ARHGEF3: variants seen among roughly 807,000 people sequenced by gnomAD.
ARHGEF3 encodes Rho guanine nucleotide exchange factor 3, also known as 59.8 kDA protein.
A neutral mutation model predicts 63.2 loss-of-function variants in ARHGEF3; 28 were observed. The observed-to-expected ratio is 0.44, with a 90% confidence interval of 0.33 to 0.61. The LOEUF is 0.61. ARHGEF3 is among the 20% of genes least tolerant of loss of function. The pLI, the probability that ARHGEF3 is intolerant of heterozygous loss-of-function variation, is 0.03. For missense variants in ARHGEF3, 533 were observed against 659.3 expected (o/e 0.81, Z 2.10); for synonymous variants, 266 against 254.2 (o/e 1.05, Z -0.44).
chr3:57,068,644 C>T (rs1240054693), intron 1 of ARHGEF3, among the ~76,000 whole-genome samples: 1 of 152,160 alleles, frequency 6.6e-6, no homozygotes. Context: ...AGAAACAGTC[C>T]TCCCCACCCC....
chr3:57,014,545 C>T (rs76736933), intron 2 of ARHGEF3, among the ~76,000 whole-genome samples: 2,341 of 152,286 alleles, frequency 0.015, 78 homozygotes, highest in African/African-American at 0.054. Context: ...CACTGATTAA[C>T]AGTATTTAAT....
Position 57,035,854 on chromosome 3 carries a change from T to C in ARHGEF3, c.-27-678A>G, listed in dbSNP as rs114405024. On this transcript the variant is annotated intron_variant, in intron 1 of 12. Coordinates refer to the ARHGEF3 transcript ENST00000338458. ...ACAAAGCAACAAGGTAGAAACCACC[T>C]GGGCCTGTGATTGCATCTAGCACAG... Among the ~76,000 whole-genome samples, 869 of 152,358 alleles carry C rather than the reference T, an allele frequency of 5.7e-3. 14 individuals carry two copies. The highest frequency in any genetic ancestry group is 0.02 in the African/African-American group (834 of 41,586).
At chr3:56,929,073 A>G (rs565621769) in intron 3 of ARHGEF3, among the ~76,000 whole-genome samples, 55 of 152,326 alleles carry the variant, frequency 3.6e-4, no homozygotes, top group African/African-American at 1.3e-3. Flanking sequence ...CATCCTCTGC[A>G]TTAAAGAGAG....
At chr3:56,882,764 T>G (rs910030217) in intron 3 of ARHGEF3, among the ~76,000 whole-genome samples, 24 of 151,962 alleles carry the variant, frequency 1.6e-4, no homozygotes, top group Admixed American at 3.9e-4. Flanking sequence ...TGATCCGCCC[T>G]CCTCAGCCTC....
In ARHGEF3 at chr3:57,026,640, C is replaced by T. The variant is rs768290797; in HGVS notation, c.62+8448G>A. 1.1e-4 allele frequency among the ~76,000 whole-genome samples: 17 copies of T among 152,162 alleles called. 1 individual carries two copies. Among genetic ancestry groups the T allele is most frequent in the Non-Finnish European group, 2.2e-4 (15 of 68,040 alleles). ...GTTTTAGGTGCCACCATCTACCCTA[C>T]CTGGACAGGGCCGGGGGAGCATCCT... is the stretch of plus-strand genomic sequence containing the variant. On this transcript the variant is annotated intron_variant, in intron 2 of 12. Transcript: ENST00000338458.
At chr3:56,880,461 T>A (rs904840433) in intron 4 of ARHGEF3, among the ~76,000 whole-genome samples, 1 of 91,454 alleles carries the variant, frequency 1.1e-5, no homozygotes, top group Admixed American at 1.4e-4. Context: ...TTTAATACAA[T>A]GTTAGTGGTT....
intron 4 of ARHGEF3, among the ~76,000 whole-genome samples, chr3:56,822,506 G>A (rs188684970): frequency 3.8e-4 from 58 of 152,174 alleles, no homozygotes; most frequent in Non-Finnish European, 6.6e-4. Flanking sequence ...GCACCTATAT[G>A]TATATATATA....
intron 2 of ARHGEF3, among the ~76,000 whole-genome samples, chr3:56,763,956 C>A (rs191862096): frequency 6.6e-6 from 1 of 152,066 alleles, no homozygotes; most frequent in African/African-American, 2.4e-5. Context: ...AGAAGAAACA[C>A]GGTCAGTTGA....
chr3:56,986,352 T>A (rs6773204), intron 2 of ARHGEF3, among the ~76,000 whole-genome samples: 3 of 152,088 alleles, frequency 2.0e-5, no homozygotes, highest in Non-Finnish European at 4.4e-5. Context: ...TGAAGGCAGC[T>A]CATCCCTCAC....
intron 2 of ARHGEF3, among the ~76,000 whole-genome samples, chr3:57,005,808 A>G (rs1702444361): frequency 6.6e-6 from 1 of 152,246 alleles, no homozygotes; most frequent in African/African-American, 2.4e-5. Context: ...CTTCTGTACC[A>G]TAACTCAGCA....
chr3:56,921,225 A>G (rs1320168379), intron 3 of ARHGEF3, among the ~76,000 whole-genome samples: 2 of 148,036 alleles, frequency 1.4e-5, no homozygotes, highest in Non-Finnish European at 3.0e-5. Flanking sequence ...AAAAAGACCA[A>G]AAAAAAAAAG....
Position 56,738,915 on chromosome 3 carries a change from C to T in ARHGEF3, c.871-1560G>A, listed in dbSNP as rs144595053. On this transcript the variant is annotated intron_variant, in intron 7 of 9. Coordinates refer to ENST00000296315, the MANE Select transcript of ARHGEF3 (RefSeq NM_019555.3). ...AGACCAGCCTGGCCAACATGGTGAA[C>T]GCTGTCTCTACTAAAAATATTAAAA... is the stretch of plus-strand genomic sequence containing the variant. 1.0e-3 allele frequency among the ~76,000 whole-genome samples: 158 copies of T among 151,876 alleles called. 1 individual carries two copies. The highest frequency in any genetic ancestry group is 1.3e-3 in the Non-Finnish European group (85 of 67,936).
At chr3:56,954,249 A>G (rs1039244181) in intron 3 of ARHGEF3, among the ~76,000 whole-genome samples, 5 of 152,190 alleles carry the variant, frequency 3.3e-5, no homozygotes, top group African/African-American at 1.2e-4. Context: ...AGGCAATGGC[A>G]GGAGCTGTGT....
chr3:57,070,690 G>A (rs1222154744), intron 1 of ARHGEF3, among the ~76,000 whole-genome samples: 2 of 152,132 alleles, frequency 1.3e-5, no homozygotes, highest in South Asian at 2.1e-4. Context: ...TGGGCACAGT[G>A]GCTAACACCT....
intron 3 of ARHGEF3, among the ~76,000 whole-genome samples, chr3:56,888,777 C>T (rs2041010677): frequency 6.6e-6 from 1 of 152,092 alleles, no homozygotes; most frequent in Admixed American, 6.6e-5. Context: ...ATTGTGTGCA[C>T]CTGTAATCTC....
chr3:56,823,956 C>A (rs2038613199), intron 4 of ARHGEF3, among the ~76,000 whole-genome samples: 2 of 115,512 alleles, frequency 1.7e-5, no homozygotes, highest in Non-Finnish European at 1.7e-5. Context: ...CTTTAAAAAA[C>A]TAAACAAAGA....
chr3:56,836,217 C>T (rs1402632584), intron 4 of ARHGEF3, among the ~76,000 whole-genome samples: 1 of 152,176 alleles, frequency 6.6e-6, no homozygotes, highest in Non-Finnish European at 1.5e-5. Context: ...TCATGAAAAA[C>T]TCCTAATGAA....
chr3:56,778,918 C>T (rs1257494778), intron 1 of ARHGEF3, among the ~76,000 whole-genome samples: 1 of 152,162 alleles, frequency 6.6e-6, no homozygotes, highest in Admixed American at 6.5e-5. Flanking sequence ...AGGAAGTCAG[C>T]TGTATTCGGT....
At chr3:57,033,903 T>C (rs1703840182) in intron 2 of ARHGEF3, among the ~76,000 whole-genome samples, 1 of 151,654 alleles carries the variant, frequency 6.6e-6, no homozygotes, top group African/African-American at 2.4e-5. Flanking sequence ...AAATTAGCCA[T>C]GTGTGGTGGC....
Sources: allele counts gnomAD v4.1 joint callset (sites outside exome capture counted in the v4.1 genomes callset), GRCh38; gene constraint gnomAD v4.1.1; transcripts MANE v1.5; gene names NCBI Gene and HGNC (gene_info 2026-07-23, HGNC 2026-07-21).